Variants in CTNNA2 observed in about 807,000 individuals in gnomAD.
The protein encoded by CTNNA2 is catenin alpha-2.
A neutral mutation model predicts 101.0 loss-of-function variants in CTNNA2; 42 were observed. That is an observed-to-expected ratio of 0.42 (90% confidence interval 0.32 to 0.54). The LOEUF (loss-of-function observed/expected upper bound fraction) is 0.54, where lower values mean the gene tolerates loss of function less well. Among genes scored for constraint, CTNNA2 ranks in the 20% least tolerant of loss-of-function variants. CTNNA2 has a pLI of 0.14. For missense variants in CTNNA2, 871 were observed against 1,223.1 expected (o/e 0.71, Z 4.29); for synonymous variants, 450 against 456.4 (o/e 0.99, Z 0.18).
intron 2 of CTNNA2, among the ~76,000 whole-genome samples, chr2:79,296,791 T>C (rs1423317053): frequency 1.3e-5 from 2 of 152,150 alleles, no homozygotes; most frequent in African/African-American, 2.4e-5. Context: ...AGCTCTCTGC[T>C]TGGGGAAGCT....
chr2:80,121,052 A>C (rs1414637149), intron 7 of CTNNA2, among the ~76,000 whole-genome samples: 1 of 152,232 alleles, frequency 6.6e-6, no homozygotes, highest in Non-Finnish European at 1.5e-5. Flanking sequence ...TTGCGTTTAC[A>C]AAAAATGCTG....
intron 7 of CTNNA2, among the ~76,000 whole-genome samples, chr2:80,013,124 C>A (rs889504664): frequency 6.6e-6 from 1 of 152,106 alleles, no homozygotes; most frequent in African/African-American, 2.4e-5. Flanking sequence ...TATGATCATG[C>A]CACTGTACTC....
chr2:79,768,949 G>A (rs1413730249), intron 3 of CTNNA2, among the ~76,000 whole-genome samples: 1 of 152,100 alleles, frequency 6.6e-6, no homozygotes, highest in African/African-American at 2.4e-5. Context: ...CCACCTCCCG[G>A]GTTCACGCCA....
intron 3 of CTNNA2, among the ~76,000 whole-genome samples, chr2:79,344,432 G>T (rs1677209531): frequency 6.6e-6 from 1 of 152,068 alleles, no homozygotes; most frequent in African/African-American, 2.4e-5. Flanking sequence ...AAAAGTCTCA[G>T]CTTGACTTAT....
intron 7 of CTNNA2, among the ~76,000 whole-genome samples, chr2:80,250,179 G>GA (rs1671644184): frequency 8.8e-6 from 1 of 113,232 alleles, no homozygotes; most frequent in Non-Finnish European, 1.9e-5. Flanking sequence ...TACATGGATG[G>GA]GGGGAGAGAG....
intron 3 of CTNNA2, among the ~76,000 whole-genome samples, chr2:79,839,804 A>G (rs1679666085): frequency 6.6e-6 from 1 of 152,002 alleles, no homozygotes; most frequent in South Asian, 2.1e-4. Context: ...AGTTCTGTAA[A>G]TATTTTTAAA....
intron 7 of CTNNA2, among the ~76,000 whole-genome samples, chr2:80,164,236 C>A (rs1390098103): frequency 2.6e-5 from 4 of 151,744 alleles, no homozygotes; most frequent in Non-Finnish European, 4.4e-5. Flanking sequence ...TTGCTGTTTT[C>A]TTTTCCTGTC....
At chr2:79,371,763 T>C (rs1677876551) in intron 3 of CTNNA2, among the ~76,000 whole-genome samples, 1 of 152,050 alleles carries the variant, frequency 6.6e-6, no homozygotes, top group Admixed American at 6.5e-5. Flanking sequence ...GCAAAGTAGG[T>C]CAACTGGTCA....
chr2:80,516,046 C>G (rs1559173512), intron 9 of CTNNA2, among the ~76,000 whole-genome samples: 1 of 152,174 alleles, frequency 6.6e-6, no homozygotes, highest in Non-Finnish European at 1.5e-5. Context: ...GTATAGATGA[C>G]CTCCTTCTCA....
chr2:80,499,255 G>A (rs552925832), intron 9 of CTNNA2, among the ~76,000 whole-genome samples: 14 of 152,276 alleles, frequency 9.2e-5, no homozygotes, highest in South Asian at 2.1e-4. Context: ...TTCTGAAGGC[G>A]TACAGCTCTC....
chr2:80,357,005 T>G (rs1673878469), intron 7 of CTNNA2, among the ~76,000 whole-genome samples: 1 of 152,202 alleles, frequency 6.6e-6, no homozygotes, highest in Non-Finnish European at 1.5e-5. Flanking sequence ...GGAAGGTAGA[T>G]AGCAGTGTTA....
chr2:79,777,076 C>A (rs1374331251), intron 3 of CTNNA2: 2 of 152,182 alleles, frequency 1.3e-5, no homozygotes, highest in Non-Finnish European at 2.9e-5. Context: ...CCAATCAGAG[C>A]TTTGTTGCTG....
At chr2:79,675,322 C>A (rs116071158) in intron 2 of CTNNA2, among the ~76,000 whole-genome samples, 4 of 152,032 alleles carry the variant, frequency 2.6e-5, no homozygotes, top group Admixed American at 2.0e-4. Context: ...AATTTTATGG[C>A]GGTGGACAAT....
intron 7 of CTNNA2, among the ~76,000 whole-genome samples, chr2:80,189,754 A>C (rs1291623970): frequency 3.3e-5 from 5 of 152,182 alleles, no homozygotes; most frequent in East Asian, 3.9e-4. Flanking sequence ...CAGTTAAAAA[A>C]AAAACAAAAC....
rs1351452718 is a variant in CTNNA2, at chr2:80,393,205, T to C, written c.1057-6T>C. The C allele has an allele frequency of 2.5e-6, 4 of 1,597,170 alleles. No homozygotes were observed. The South Asian group carries it at 3.4e-5, about 14-fold the overall frequency. On this transcript the variant is annotated splice_region_variant and splice_polypyrimidine_tract_variant and intron_variant, in intron 7 of 18. Transcript: ENST00000402739. ...AAATCAGAAATTATTTCTCTTTTCT[T>C]AATAGACTGGAAGGAAAGAAAAAGG... is the stretch of plus-strand genomic sequence containing the variant.
At chr2:79,662,686 C>T (rs766077067) in intron 2 of CTNNA2, among the ~76,000 whole-genome samples, 3 of 152,134 alleles carry the variant, frequency 2.0e-5, no homozygotes, top group Non-Finnish European at 4.4e-5. Flanking sequence ...GGCATGTCAA[C>T]ACACTGGCTT....
chr2:80,528,484 C>T (rs943923617), intron 9 of CTNNA2, among the ~76,000 whole-genome samples: 4 of 152,134 alleles, frequency 2.6e-5, no homozygotes, highest in African/African-American at 7.2e-5. Flanking sequence ...GCGTGAGCCA[C>T]CGTGCCCAGC....
chr2:80,300,364 A>C (rs1676171255), intron 7 of CTNNA2, among the ~76,000 whole-genome samples: 2 of 151,230 alleles, frequency 1.3e-5, no homozygotes, highest in African/African-American at 4.9e-5. Flanking sequence ...TTAACATCTT[A>C]AAAGACATTT....
chr2:79,844,985 C>CACACACACAT (rs1680105924), intron 3 of CTNNA2, among the ~76,000 whole-genome samples: 1 of 151,240 alleles, frequency 6.6e-6, no homozygotes, highest in African/African-American at 2.4e-5. Flanking sequence ...AAACTACACA[C>CACACACACAT]ACACACACAC....
Sources: gnomAD v4.1 joint callset for allele counts (sites outside exome capture counted in the v4.1 genomes callset) on GRCh38, gnomAD v4.1.1 for gene constraint, MANE v1.5 for transcripts, NCBI Gene and HGNC (gene_info 2026-07-23, HGNC 2026-07-21) for gene names.